APC2: variants seen among roughly 807,000 people sequenced by gnomAD.
The protein encoded by APC2 is APC regulator of Wnt signaling pathway 2.
In APC2, 41 loss-of-function variants were observed where a neutral mutation model predicts 72.5. The ratio of observed to expected loss-of-function variants is 0.57; its 90% CI spans 0.44 to 0.73. The LOEUF is 0.73. APC2 is among the 30% of genes least tolerant of loss of function. The probability of loss-of-function intolerance (pLI) is 0.00; values close to 1 mark genes in which losing one functional copy is unlikely to be tolerated. For synonymous variants in APC2, 1,898 were observed against 1,612.0 expected (o/e 1.18, Z -4.25); for missense variants, 3,729 against 3,403.4 (o/e 1.10, Z -2.38).
At chr19:1,460,364 C>T (rs1444239560) in intron 11 of APC2, 44 bp downstream of exon 11, 1 of 1,610,502 alleles carries the variant, frequency 6.2e-7, no homozygotes, top group East Asian at 2.2e-5. Context: ...CTCATCCAGT[C>T]TTCCAGGGAC....
intron 1 of APC2, among the ~76,000 whole-genome samples, chr19:1,450,825 G>T (rs1373070153): frequency 6.6e-6 from 1 of 152,204 alleles, no homozygotes; most frequent in Non-Finnish European, 1.5e-5. Context: ...CAACCTGGGG[G>T]TGAAAGTAGG....
At chr19:1,450,404 G>T (rs10422038) in intron 1 of APC2, 66 bp downstream of exon 1, 313,299 of 969,238 alleles carry the variant, frequency 0.32, 52,840 homozygotes, top group African/African-American at 0.58. Context: ...TCCATCCCTG[G>T]CTCTCAGCAT....
At position 1,460,230 on chromosome 19, in the gene APC2, C is replaced by T; in HGVS notation, c.1353C>T (p.His451=). The T allele has an allele frequency of 6.2e-7, 1 of 1,613,576 alleles. No individual in the cohort carries two copies. Among genetic ancestry groups the T allele is most frequent in the Middle Eastern group, 1.6e-4 (1 of 6,062 alleles). ...TGCTGCAGGTTGACTATGAGATGCA[C>T]AAGATGACCCGGGACCCGCTGAACC... ...AELLQVDYEM[H]KMTRDPLNLA... is the part of the protein sequence containing the mutation. The change falls in exon 11 of 15, where the codon CAC becomes CAT. Residue 451 remains histidine, a synonymous_variant. Transcript: ENST00000590469.
At position 1,453,305 on chromosome 19, in the gene APC2, CG is replaced by C; in HGVS notation, c.204del (p.Gln69ArgfsTer8). 2 of 1,591,016 alleles carry C rather than the reference CG, an allele frequency of 1.3e-6. No homozygotes were observed. The highest frequency in any genetic ancestry group is 1.7e-6 in the Non-Finnish European group (2 of 1,168,820). On this transcript the variant is annotated frameshift_variant, in exon 3 of 15. Transcript: ENST00000590469. LOFTEE classifies it high-confidence loss of function. ...CAGGAGGCCCGAGTGCTGGTGTCCT[CG>C]GGGCAGACGGAGGTGCTGGAGCAGC... ...LEQEARVLVS[S>X]GQTEVLEQLK...
Position 1,471,652 on chromosome 19 carries a change from G to C in APC2, c.*1439G>C, listed in dbSNP as rs1486961912. ...ACCCACGGATCTGCCCAGGCTGAAG[G>C]CACACGCTCAATGCCCCACGTGCCT... is the stretch of plus-strand genomic sequence containing the variant. On this transcript the variant is annotated 3_prime_UTR_variant, in exon 15 of 15. Transcript: ENST00000590469. 6.6e-6 allele frequency: 1 copy of C among 152,268 alleles called. No individual in the cohort carries two copies. The highest frequency in any genetic ancestry group is 1.5e-5 in the Non-Finnish European group (1 of 68,066). 9.4% of individuals were successfully genotyped at this position (152,268 alleles called of 1,614,324 possible).
chr19:1,446,715 C>G (rs571993327), upstream of APC2, among the ~76,000 whole-genome samples: 2 of 152,142 alleles, frequency 1.3e-5, no homozygotes, highest in East Asian at 3.9e-4. The surrounding 1 kb of genome is among the most constrained non-coding windows in gnomAD (Gnocchi z 6.1). Flanking sequence ...TGCGGAGGCT[C>G]GGCCCTGCGC....
rs747246449 is a variant in APC2, at chr19:1,457,143, C to T, written c.1107C>T (p.Arg369=). The T allele has an allele frequency of 1.0e-5, 16 of 1,588,260 alleles. No individual in the cohort carries two copies. In the South Asian group the frequency reaches 1.7e-4, roughly 17 times the overall value. The change falls in exon 9 of 15, where the codon CGC becomes CGT. Residue 369 remains arginine (R), a synonymous_variant. Coordinates refer to ENST00000590469, the MANE Select transcript of APC2 (RefSeq NM_005883.3). The part of the protein sequence containing the change: ...PDQGLARKEM[R]VLHVLEQIRA... ...AGGGCCTGGCGCGCAAGGAGATGCG[C>T]GTCCTGCACGTGCTGGAGCAGATCC...
chr19:1,470,592 G>A lies in APC2; in HGVS notation c.*379G>A. The A allele has an allele frequency of 1.0e-5, 2 of 191,676 alleles. No homozygotes were observed. The highest frequency in any genetic ancestry group is 1.3e-4 in the East Asian group (1 of 7,426). 11.9% of individuals were successfully genotyped at this position (191,676 alleles called of 1,614,324 possible). A position where few individuals can be genotyped will look rare whatever the true frequency, so the allele number is the denominator to read the frequency against. The stretch of plus-strand genomic sequence containing the variant: ...CTGGGTCTGGGTCCGCTGCTTCGCA[G>A]GGACAGCGCTGGGGAGGTGACGGCG... On this transcript the variant is annotated 3_prime_UTR_variant, in exon 15 of 15. Coordinates refer to ENST00000590469, the MANE Select transcript of APC2 (RefSeq NM_005883.3).
chr19:1,455,507 C>T lies in APC2; in HGVS notation c.639+7C>T. ...GATGGTGCAGCGGGCACAGGTGCGG[C>T]GGTGGGCGGGGTGGCGCGGCGGTAG... On this transcript the variant is annotated splice_region_variant and intron_variant, in intron 6 of 14. Coordinates refer to ENST00000590469, the MANE Select transcript of APC2 (RefSeq NM_005883.3). 2 of 1,596,792 alleles carry T rather than the reference C, an allele frequency of 1.3e-6. No homozygotes were observed. The highest frequency in any genetic ancestry group is 1.1e-5 in the South Asian group (1 of 89,112).
chr19:1,456,447 CTGGAAGGGG>C (rs1463382358), intron 8 of APC2, 43 bp downstream of exon 8: 1 of 1,523,132 alleles, frequency 6.6e-7, no homozygotes, highest in South Asian at 1.2e-5. Flanking sequence ...GCTGTCTGGG[CTGGAAGGGG>C]GATCAGGTCT....
At chr19:1,453,852 G>T (rs1028666370) in intron 4 of APC2, among the ~76,000 whole-genome samples, 1 of 152,154 alleles carries the variant, frequency 6.6e-6, no homozygotes, top group Non-Finnish European at 1.5e-5. Flanking sequence ...GATGGGGGAC[G>T]TTCCTGGCTG....
chr19:1,467,333 G>A lies in APC2; in HGVS notation c.4032G>A (p.Arg1344=), dbSNP rs965337052. ...CGGACCAGGAGCTGGAACTGCTGCG[G>A]GAGTGCCTGGGAGCCGCCGTGCCTG... ...GAADQELELL[R]ECLGAAVPAR... The change falls in exon 15 of 15, where the codon CGG becomes CGA. Residue 1344 remains arginine, a synonymous_variant. Transcript: ENST00000590469. The A allele has an allele frequency of 2.8e-6, 4 of 1,424,608 alleles. No individual in the cohort carries two copies. Among genetic ancestry groups the A allele is most frequent in the Admixed American group, 2.8e-5 (1 of 36,000 alleles). 88.2% of individuals were successfully genotyped at this position (1,424,608 alleles called of 1,614,324 possible).
chr19:1,465,872 G>A lies in APC2; in HGVS notation c.2571G>A (p.Leu857=). 1 of 1,566,828 alleles carries A rather than the reference G, an allele frequency of 6.4e-7. No homozygotes were observed. The highest frequency in any genetic ancestry group is 8.6e-7 in the Non-Finnish European group (1 of 1,159,416). Residue 857 remains leucine (L), a synonymous_variant, in exon 15 of 15, where the codon CTG becomes CTA. Coordinates refer to ENST00000590469, the MANE Select transcript of APC2 (RefSeq NM_005883.3). The stretch of plus-strand genomic sequence containing the variant: ...TTGCAGTGGCGCGCATCGACCAGCT[G>A]GTGGAGGACATCTCCGCCCTGCACA... The part of the protein sequence containing the change: ...LALAVARIDQ[L]VEDISALHTS...
chr19:1,466,908 G>A lies in APC2; in HGVS notation c.3607G>A (p.Gly1203Arg), dbSNP rs770049523. 1.0e-5 allele frequency: 16 copies of A among 1,585,450 alleles called. No individual in the cohort carries two copies. The highest frequency in any genetic ancestry group is 3.5e-5 in the Admixed American group (2 of 56,384). Reference protein sequence around the residue: ...ISPSELPDSPGQTMPPSRSKT... With the variant: ...ISPSELPDSPRQTMPPSRSKT... Reference sequence around the variant, plus strand: ...CCCTAGCGAGCTGCCCGACAGCCCCGGACAGACCATGCCTCCCAGCCGGAG... The same window carrying A: ...CCCTAGCGAGCTGCCCGACAGCCCCAGACAGACCATGCCTCCCAGCCGGAG... The change falls in exon 15 of 15, where the codon GGA (glycine) becomes AGA (arginine). Residue 1203 changes from glycine (G) to arginine (R), a missense_variant. Coordinates refer to ENST00000590469, the MANE Select transcript of APC2 (RefSeq NM_005883.3).
Position 1,462,147 on chromosome 19 carries a change from C to G in APC2, c.1823C>G (p.Ser608Cys). ...ESGGGILRNV[S>C]SLVATREDYR... ...GGCGGCGGCATCCTCCGCAATGTGT[C>G]CAGCCTCGTCGCCACCCGTGAGGAC... is the stretch of plus-strand genomic sequence containing the variant. The change falls in exon 14 of 15, where the codon TCC (serine) becomes TGC (cysteine). Residue 608 changes from serine to cysteine, a missense_variant. Ser to Cys is a moderately radical substitution (Grantham distance 112). Transcript: ENST00000590469. The G allele has an allele frequency of 1.2e-6, 2 of 1,609,626 alleles. No individual in the cohort carries two copies. The highest frequency in any genetic ancestry group is 1.7e-6 in the Non-Finnish European group (2 of 1,179,188).
At position 1,473,140 on chromosome 19, in the gene APC2, G is replaced by A. The variant is rs1010495395; in HGVS notation, c.*2927G>A. 1 of 152,304 alleles carries A rather than the reference G, an allele frequency of 6.6e-6. No homozygotes were observed. The highest frequency in any genetic ancestry group is 1.5e-5 in the Non-Finnish European group (1 of 68,070). 9.4% of individuals were successfully genotyped at this position (152,304 alleles called of 1,614,324 possible). A position where few individuals can be genotyped will look rare whatever the true frequency, so the allele number is the denominator to read the frequency against. On this transcript the variant is annotated 3_prime_UTR_variant, in exon 15 of 15. Coordinates refer to ENST00000590469, the MANE Select transcript of APC2 (RefSeq NM_005883.3). ...GGACGTGTAAATAGTGGTAAATAGT[G>A]AAAGCCTGTCCTTCCCTAAATGTAA...
Position 1,467,758 on chromosome 19 carries a change from G to C in APC2, c.4457G>C (p.Arg1486Pro). The change falls in exon 15 of 15, where the codon CGG becomes CCG. Residue 1486 changes from arginine to proline, a missense_variant. Coordinates refer to ENST00000590469, the MANE Select transcript of APC2 (RefSeq NM_005883.3). ...GACAAGGACGGCTCAAAGCCCGGCC[G>C]GACCCGCGGGGACGGGGCGCTCCAG... ...PADKDGSKPG[R>P]TRGDGALQSL... 1.4e-6 allele frequency: 2 copies of C among 1,430,136 alleles called. No homozygotes were observed. The highest frequency in any genetic ancestry group is 1.8e-6 in the Non-Finnish European group (2 of 1,098,062). 88.6% of individuals were successfully genotyped at this position (1,430,136 alleles called of 1,614,324 possible). A position where few individuals can be genotyped will look rare whatever the true frequency, so the allele number is the denominator to read the frequency against.
In APC2 at chr19:1,467,773, G is replaced by C. The variant is rs531716646; in HGVS notation, c.4472G>C (p.Gly1491Ala). ...AAGCCCGGCCGGACCCGCGGGGACG[G>C]GGCGCTCCAGTCGCTGTGCCTCACG... ...GSKPGRTRGD[G>A]ALQSLCLTTP... The change falls in exon 15 of 15, where the codon GGG (glycine) becomes GCG (alanine). Residue 1491 changes from glycine to alanine, a missense_variant. Physicochemically the swap from Gly to Ala is moderately conservative, Grantham distance 60. Coordinates refer to ENST00000590469, the MANE Select transcript of APC2 (RefSeq NM_005883.3). 2 of 1,432,554 alleles carry C rather than the reference G, an allele frequency of 1.4e-6. No homozygotes were observed. Among genetic ancestry groups the C allele is most frequent in the Non-Finnish European group, 1.8e-6 (2 of 1,098,738 alleles). The allele number at this position is 1,432,554 out of a possible 1,614,324, so 88.7% of individuals were successfully genotyped here.
rs1367025237 is a variant in APC2, at chr19:1,465,524, C to T, written c.2223C>T (p.His741=). 6.5e-7 allele frequency: 1 copy of T among 1,527,774 alleles called. No homozygotes were observed. The highest frequency in any genetic ancestry group is 2.5e-5 in the East Asian group (1 of 40,266). 94.6% of individuals were successfully genotyped at this position (1,527,774 alleles called of 1,614,324 possible). The change falls in exon 15 of 15, where the codon CAC becomes CAT. Residue 741 remains histidine (H), a synonymous_variant. Transcript: ENST00000590469. ...DARHLAQALE[H]LEKQGPPAAE... is the part of the protein sequence containing the mutation. ...GGCACCTCGCGCAGGCGCTGGAGCA[C>T]CTGGAGAAGCAGGGCCCGCCGGCAG...
Sources: gnomAD v4.1 joint callset for allele counts (sites outside exome capture counted in the v4.1 genomes callset) on GRCh38, gnomAD v4.1.1 for gene constraint, Gnocchi (gnomAD v3.1) non-coding constraint, MANE v1.5 for transcripts, NCBI Gene and HGNC (gene_info 2026-07-23, HGNC 2026-07-21) for gene names.